CYFIP1: variants seen among roughly 807,000 people sequenced by gnomAD.
CYFIP1 encodes cytoplasmic FMR1 interacting protein 1.
A neutral mutation model predicts 163.5 loss-of-function variants in CYFIP1; 58 were observed. That is an observed-to-expected ratio of 0.35 (90% CI 0.29 to 0.44). The LOEUF is 0.44. Among genes scored for constraint, CYFIP1 ranks in the 20% least tolerant of loss-of-function variants. The pLI is 1.00. For synonymous variants in CYFIP1, 663 were observed against 660.7 expected (o/e 1.00, Z -0.05); for missense variants, 1,338 against 1,653.8 (o/e 0.81, Z 3.31).
In CYFIP1 at chr15:22,873,728, T is replaced by G; in HGVS notation, c.3212A>C (p.Gln1071Pro). Residue 1071 changes from glutamine (Q) to proline (P), a missense_variant and splice_region_variant, in exon 29 of 31, where the codon CAA (glutamine) becomes CCA (proline). Gln to Pro is a moderately conservative substitution (Grantham distance 76). Transcript: ENST00000617928. ...GTCCCCCTCTCTTGCGATGGCAATT[T>G]GCTGCAGAAAGGACAAGCCGTGGAA... ...PLIERLGTPQ[Q>P]IAIAREGDLL... The G allele has an allele frequency of 6.2e-7, 1 of 1,611,142 alleles. No homozygotes were observed. The highest frequency in any genetic ancestry group is 8.5e-7 in the Non-Finnish European group (1 of 1,177,748).
At chr15:22,881,455 G>A (rs2059760106) in intron 25 of CYFIP1, among the ~76,000 whole-genome samples, 1 of 151,968 alleles carries the variant, frequency 6.6e-6, no homozygotes, top group Admixed American at 6.6e-5. Flanking sequence ...CCCTGCAGCT[G>A]GACCTGCAGA....
intron 23 of CYFIP1, among the ~76,000 whole-genome samples, chr15:22,891,793 G>A (rs66901244): frequency 0.063 from 9,573 of 152,334 alleles, 373 homozygotes; most frequent in East Asian, 0.17. Flanking sequence ...GGAGTGAGAA[G>A]ATCTCGCTCT....
At chr15:22,933,957 A>G (rs2061619653) in intron 9 of CYFIP1, 64 bp from the exon 10 acceptor site, 1 of 1,157,336 alleles carries the variant, frequency 8.6e-7, no homozygotes, top group African/African-American at 1.5e-5. Flanking sequence ...ACATAAGCAC[A>G]AGGAAACTGA....
At position 22,918,664 on chromosome 15, in the gene CYFIP1, G is replaced by C. The variant is rs766429263; in HGVS notation, c.1526+28C>G. 3.3e-6 allele frequency: 5 copies of C among 1,535,490 alleles called. No individual in the cohort carries two copies. In the South Asian group the frequency reaches 6.3e-5, roughly 19 times the overall value. On this transcript the variant is annotated intron_variant, in intron 14 of 30. Coordinates refer to ENST00000617928, the MANE Select transcript of CYFIP1 (RefSeq NM_014608.6). The stretch of plus-strand genomic sequence containing the variant: ...GTTCATCCGAGGACGTGTGGGCACA[G>C]CGGGCACAGGGCGTGGGGAAGGCTG...
At chr15:22,954,563 T>A (rs1227519401) in intron 1 of CYFIP1, among the ~76,000 whole-genome samples, 1 of 152,190 alleles carries the variant, frequency 6.6e-6, no homozygotes, top group Admixed American at 6.5e-5. Context: ...CAGCTGCCTG[T>A]GCCCCCGGCC....
intron 1 of CYFIP1, among the ~76,000 whole-genome samples, chr15:22,963,556 TAAGAA>T (rs144878191): frequency 8.0e-6 from 1 of 124,884 alleles, no homozygotes; most frequent in Admixed American, 7.8e-5. Context: ...TAACATAACA[TAAGAA>T]AGAATGAAAT....
intron 16 of CYFIP1, among the ~76,000 whole-genome samples, 180 bp downstream of exon 16, chr15:22,916,297 G>A (rs773395122): frequency 3.3e-5 from 5 of 152,180 alleles, no homozygotes; most frequent in Admixed American, 1.3e-4. Flanking sequence ...TAGGGACCAC[G>A]CCCTGTGGAG....
chr15:22,947,756 G>A (rs1455638239), intron 1 of CYFIP1, among the ~76,000 whole-genome samples: 1 of 152,168 alleles, frequency 6.6e-6, no homozygotes, highest in Non-Finnish European at 1.5e-5. Context: ...GCCTGACATG[G>A]AAAAGACGAG....
At chr15:22,922,982 ACT>A (rs1373138615) in intron 13 of CYFIP1, among the ~76,000 whole-genome samples, 1 of 149,578 alleles carries the variant, frequency 6.7e-6, no homozygotes, top group African/African-American at 2.5e-5. Flanking sequence ...ACAGAGCAAG[ACT>A]CTGTCTCAAA....
intron 21 of CYFIP1, among the ~76,000 whole-genome samples, chr15:22,906,120 T>C: frequency 6.6e-6 from 1 of 151,750 alleles, no homozygotes; most frequent in African/African-American, 2.4e-5. Flanking sequence ...TTTTTTTTTT[T>C]CTTTGAGACA....
At chr15:22,881,543 G>A (rs369367797) in intron 25 of CYFIP1, among the ~76,000 whole-genome samples, 4 of 152,178 alleles carry the variant, frequency 2.6e-5, no homozygotes, top group South Asian at 2.1e-4. Flanking sequence ...AGTCCCTATA[G>A]GCCCAGCAGG....
Position 22,916,577 on chromosome 15 carries a change from G to A in CYFIP1, c.1728C>T (p.Ser576=), listed in dbSNP as rs754749077. The change falls in exon 16 of 31, where the codon TCC becomes TCT. Residue 576 remains serine (S), a synonymous_variant. Coordinates refer to ENST00000617928, the MANE Select transcript of CYFIP1 (RefSeq NM_014608.6). ...LESLIADKSG[S]KKTLRSSLEG... ...CAAGGCTACTTCTCAAGGTTTTCTT[G>A]GAACCACTTTTGTCTGCAATGAGGG... 5.0e-6 allele frequency: 8 copies of A among 1,614,050 alleles called. No homozygotes were observed. The highest frequency in any genetic ancestry group is 8.5e-7 in the Non-Finnish European group (1 of 1,180,010).
chr15:22,881,497 C>T (rs2141879460), intron 25 of CYFIP1, among the ~76,000 whole-genome samples: 1 of 152,194 alleles, frequency 6.6e-6, no homozygotes, highest in South Asian at 2.1e-4. Flanking sequence ...AGGGGCAGGC[C>T]TTGCACCATC....
In CYFIP1 at chr15:22,939,157, G is replaced by T. The variant is rs199639692; in HGVS notation, c.795+35C>A. On this transcript the variant is annotated intron_variant, in intron 8 of 30. Transcript: ENST00000617928. ...ATTGACAAGAGTAAGGCTGTCCCTC[G>T]GCAGTGCCACGGGCTAGCGTCCCCA... is the stretch of plus-strand genomic sequence containing the variant. The T allele has an allele frequency of 1.7e-5, 27 of 1,613,322 alleles. No individual in the cohort carries two copies. In the East Asian group the frequency reaches 3.3e-4, roughly 20 times the overall value.
Position 22,875,802 on chromosome 15 carries a change from G to C in CYFIP1, c.3043-531C>G, listed in dbSNP as rs2059566198. ...CTACAGAGCCCAAAACAAAGTTCTA[G>C]GCCATCATGCCGAACTGCTCTTGGG... On this transcript the variant is annotated intron_variant, in intron 26 of 30. Coordinates refer to ENST00000617928, the MANE Select transcript of CYFIP1 (RefSeq NM_014608.6). 1.3e-5 allele frequency among the ~76,000 whole-genome samples: 2 copies of C among 150,130 alleles called. 1 individual carries two copies. Among genetic ancestry groups the C allele is most frequent in the African/African-American group, 4.9e-5 (2 of 40,772 alleles).
intron 1 of CYFIP1, among the ~76,000 whole-genome samples, chr15:22,968,217 ATG>A (rs2062975724): frequency 6.6e-6 from 1 of 152,204 alleles, no homozygotes. Context: ...GGTTGCTTTT[ATG>A]TGTCAACTTG....
intron 9 of CYFIP1, among the ~76,000 whole-genome samples, chr15:22,934,260 C>A (rs2061637191): frequency 7.5e-6 from 1 of 132,500 alleles, no homozygotes; most frequent in African/African-American, 2.9e-5. Flanking sequence ...GATCTCGGCT[C>A]ACTGCAAGCT....
chr15:22,960,520 A>T (rs1258368226), intron 1 of CYFIP1, among the ~76,000 whole-genome samples: 1 of 152,186 alleles, frequency 6.6e-6, no homozygotes, highest in Non-Finnish European at 1.5e-5. Flanking sequence ...CCTGATCTTA[A>T]AGCTCCGGGT....
rs554228966 is a variant in CYFIP1 at position 22,945,098 on chromosome 15, G to A, written c.208-159C>T. On this transcript the variant is annotated intron_variant, in intron 3 of 30. Transcript: ENST00000617928. The stretch of plus-strand genomic sequence containing the variant: ...CCAGAAGCTAGTGACACTGAGGTGC[G>A]GCGCTGGGGGCCACAATGACCACCC... 6.2e-4 allele frequency among the ~76,000 whole-genome samples: 95 copies of A among 152,268 alleles called. 1 individual carries two copies. In the South Asian group the frequency reaches 0.018, roughly 29 times the overall value.
Sources: allele counts gnomAD v4.1 joint callset (sites outside exome capture counted in the v4.1 genomes callset), GRCh38; gene constraint gnomAD v4.1.1; transcripts MANE v1.5; gene names NCBI Gene and HGNC (gene_info 2026-07-23, HGNC 2026-07-21).